INPPL1: variants seen among roughly 807,000 people sequenced by gnomAD.
INPPL1 encodes the protein phosphatidylinositol 3,4,5-trisphosphate 5-phosphatase 2.
A neutral mutation model predicts 139.3 loss-of-function variants in INPPL1; 91 were observed. That is an observed-to-expected ratio of 0.65 (90% CI 0.55 to 0.78). The LOEUF is 0.78. Among genes scored for constraint, INPPL1 ranks in the 30% least tolerant of loss-of-function variants. The probability of loss-of-function intolerance (pLI) is 0.00; values close to 1 mark genes in which losing one functional copy is unlikely to be tolerated. For synonymous variants in INPPL1, 719 were observed against 686.6 expected (o/e 1.05, Z -0.74); for missense variants, 1,411 against 1,665.6 (o/e 0.85, Z 2.66).
In INPPL1 at chr11:72,228,720, C is replaced by T; in HGVS notation, c.398-7C>T. The T allele has an allele frequency of 6.2e-7, 1 of 1,607,974 alleles. No homozygotes were observed. The highest frequency in any genetic ancestry group is 8.5e-7 in the Non-Finnish European group (1 of 1,176,802). On this transcript the variant is annotated splice_polypyrimidine_tract_variant and splice_region_variant and intron_variant, in intron 3 of 27. Transcript: ENST00000298229. The surrounding 1 kb of genome is among the most constrained non-coding windows in gnomAD (Gnocchi z 5.0). ...CCAAACGGCTGCCCACTGACCCCTGCCCACAGATGGGGAGGATGAGAAGCC... is the reference window on the plus strand; with the variant it reads ...CCAAACGGCTGCCCACTGACCCCTGTCCACAGATGGGGAGGATGAGAAGCC...
rs1948827391 is a variant in INPPL1, at chr11:72,231,253, G to T, written c.1497+64G>T. On this transcript the variant is annotated intron_variant, in intron 12 of 27. Transcript: ENST00000298229. Reference sequence around the variant, plus strand: ...ACACCACCTCCAAACTAGCCTACTTGACTTCATGGGCAACCCTGGGAGCAC... The same window carrying T: ...ACACCACCTCCAAACTAGCCTACTTTACTTCATGGGCAACCCTGGGAGCAC... 2.0e-5 allele frequency: 29 copies of T among 1,459,532 alleles called. 1 individual carries two copies. The South Asian group carries it at 3.6e-4, about 18-fold the overall frequency. The allele number at this position is 1,459,532 out of a possible 1,614,324, so 90.4% of individuals were successfully genotyped here.
At position 72,224,962 on chromosome 11, in the gene INPPL1, C is replaced by T. The variant is rs909436449; in HGVS notation, c.-23C>T. 6 of 1,102,914 alleles carry T rather than the reference C, an allele frequency of 5.4e-6. No homozygotes were observed. Among genetic ancestry groups the T allele is most frequent in the Non-Finnish European group, 6.6e-6 (6 of 906,422 alleles). The allele number at this position is 1,102,914 out of a possible 1,614,324, so 68.3% of individuals were successfully genotyped here. A position where few individuals can be genotyped will look rare whatever the true frequency, so the allele number is the denominator to read the frequency against. On this transcript the variant is annotated 5_prime_UTR_variant, in exon 1 of 28. Coordinates refer to ENST00000298229, the MANE Select transcript of INPPL1 (RefSeq NM_001567.4). ...GATGGCGCGGGGCGGCGGGGGCGGG[C>T]GGTGCTGAGCCCTGCGCGGGCCATG...
At chr11:72,230,078 C>T (rs763375013) in intron 8 of INPPL1, 43 bp from the exon 9 acceptor site, 1 of 1,613,600 alleles carries the variant, frequency 6.2e-7, no homozygotes, top group East Asian at 2.2e-5. Context: ...AGGGTGCTGC[C>T]TACTCCAAGG....
At chr11:72,226,177 CTT>C (rs772547413) in intron 1 of INPPL1, among the ~76,000 whole-genome samples, 110 of 129,794 alleles carry the variant, frequency 8.5e-4, no homozygotes, top group African/African-American at 1.6e-3. Context: ...CAGGGGAGAC[CTT>C]TTTTTTTTTT....
rs1488441955 is a variant in INPPL1 at position 72,232,988 on chromosome 11, TG to T, written c.1951+16del. ...TCCTTCGATTCAGTGAGTGTGGGCC[TG>T]GTAGGTGGTGATCTGAGGGCTAGGA... is the stretch of plus-strand genomic sequence containing the variant. On this transcript the variant is annotated intron_variant, in intron 16 of 27. Coordinates refer to ENST00000298229, the MANE Select transcript of INPPL1 (RefSeq NM_001567.4). 6.2e-7 allele frequency: 1 copy of T among 1,613,072 alleles called. No homozygotes were observed. Among genetic ancestry groups the T allele is most frequent in the Non-Finnish European group, 8.5e-7 (1 of 1,179,178 alleles).
At chr11:72,225,975 G>C (rs1948660747) in intron 1 of INPPL1, among the ~76,000 whole-genome samples, 1 of 152,148 alleles carries the variant, frequency 6.6e-6, no homozygotes, top group Non-Finnish European at 1.5e-5. Flanking sequence ...CCTGCAGTCT[G>C]ACATTGAGTT....
At position 72,237,500 on chromosome 11, in the gene INPPL1, C is replaced by T. The variant is rs200480750; in HGVS notation, c.3256C>T (p.Arg1086Cys). The T allele has an allele frequency of 1.7e-5, 28 of 1,609,092 alleles. No individual in the cohort carries two copies. The highest frequency in any genetic ancestry group is 3.3e-4 in the Middle Eastern group (2 of 6,040). The change falls in exon 26 of 28, where the codon CGT becomes TGT. Residue 1086 changes from arginine (R) to cysteine (C), a missense_variant. Transcript: ENST00000298229. ...CCGGGGCCGTGGTGGGGCTGAGGCC[C>T]GTGGCCCACCACCTCCCAAGGCCCA... The part of the protein sequence containing the change: ...VVRGRGGAEA[R>C]GPPPPKAHPR...
At chr11:72,230,941 C>G (rs1333339183) in intron 11 of INPPL1, 43 bp downstream of exon 11, 1 of 1,612,542 alleles carries the variant, frequency 6.2e-7, no homozygotes, top group Admixed American at 1.7e-5. Flanking sequence ...AGGGATGGCC[C>G]CAGAGCAGGT....
chr11:72,226,935 GGTGAGGGGTCTGTCT>G (rs1242086683), intron 1 of INPPL1, among the ~76,000 whole-genome samples: 7 of 152,136 alleles, frequency 4.6e-5, no homozygotes, highest in African/African-American at 1.4e-4. Context: ...CTGTGAATGG[GGTGAGGGGTCTGTCT>G]GTGAGTGGGG....
rs569099732 is a variant in INPPL1, at chr11:72,237,240, C to T, written c.2996C>T (p.Pro999Leu). The change falls in exon 26 of 28, where the codon CCG becomes CTG. Residue 999 changes from proline (P) to leucine (L), a missense_variant. Pro to Leu is a moderately conservative substitution (Grantham distance 98). Around this residue, in one of 5 missense-constraint regions of INPPL1, gnomAD observed 438 missense variants for 425.7 expected, o/e 1.03. Transcript: ENST00000298229. The stretch of plus-strand genomic sequence containing the variant: ...GGGGTCCCGCACCAGCTGCTGCCCC[C>T]GGAGCCACCCTCGCCTGCCAGGGCC... ...LEGVPHQLLP[P>L]EPPSPARAPV... 19 of 1,614,018 alleles carry T rather than the reference C, an allele frequency of 1.2e-5. No homozygotes were observed. The highest frequency in any genetic ancestry group is 9.9e-5 in the South Asian group (9 of 91,080).
At chr11:72,227,068 TAC>T (rs1948695738) in intron 1 of INPPL1, among the ~76,000 whole-genome samples, 1 of 152,122 alleles carries the variant, frequency 6.6e-6, no homozygotes, top group Non-Finnish European at 1.5e-5. Flanking sequence ...ATTTGCCAAA[TAC>T]ACACATACTT....
intron 5 of INPPL1, 76 bp downstream of exon 5, chr11:72,229,306 T>C: frequency 6.7e-7 from 1 of 1,483,434 alleles, no homozygotes; most frequent in Non-Finnish European, 9.2e-7. Context: ...GCTGCACAGG[T>C]GCCCTGATCT....
In INPPL1 at chr11:72,228,435, G is replaced by A. The variant is rs775305188; in HGVS notation, c.334G>A (p.Ala112Thr). ...YAQPNQGLVC[A>T]LLLPVEGERE... ...CCAGCCCAACCAGGGCCTTGTGTGC[G>A]CCCTGCTTCTTCCTGTAGAGGGTGA... The change falls in exon 3 of 28, where the codon GCC becomes ACC. Residue 112 changes from alanine to threonine, a missense_variant. By Grantham distance (58) the Ala-to-Thr change is moderately conservative. This residue lies in a region of INPPL1 where 504 missense variants were observed against 595.6 expected (regional missense o/e 0.85). Transcript: ENST00000298229. This position sits in a 1 kb window ranked among gnomAD's most constrained non-coding sequence, Gnocchi z 5.0. 5.6e-6 allele frequency: 9 copies of A among 1,612,358 alleles called. No homozygotes were observed. Among genetic ancestry groups the A allele is most frequent in the African/African-American group, 2.7e-5 (2 of 74,890 alleles).
At position 72,231,542 on chromosome 11, in the gene INPPL1, C is replaced by G; in HGVS notation, c.1542C>G (p.Val514=). The change falls in exon 13 of 28, where the codon GTC becomes GTG. Residue 514 remains valine (V), a synonymous_variant. Coordinates refer to ENST00000298229, the MANE Select transcript of INPPL1 (RefSeq NM_001567.4). ...SLWNIKVAVL[V]KPEHENRISH... is the part of the protein sequence containing the mutation. ...GGAATATCAAGGTGGCAGTGCTGGT[C>G]AAGCCAGAGCACGAGAACCGTATCA... 1.2e-6 allele frequency: 2 copies of G among 1,613,988 alleles called. No individual in the cohort carries two copies. The highest frequency in any genetic ancestry group is 1.7e-6 in the Non-Finnish European group (2 of 1,180,030).
chr11:72,238,569 G>A lies in INPPL1; in HGVS notation c.*216G>A, dbSNP rs761894281. The A allele has an allele frequency of 2.3e-6, 1 of 428,568 alleles. No homozygotes were observed. Among genetic ancestry groups the A allele is most frequent in the Non-Finnish European group, 4.1e-6 (1 of 244,646 alleles). 26.5% of individuals were successfully genotyped at this position (428,568 alleles called of 1,614,324 possible). On this transcript the variant is annotated 3_prime_UTR_variant, in exon 28 of 28. Coordinates refer to ENST00000298229, the MANE Select transcript of INPPL1 (RefSeq NM_001567.4). ...CCCCTCGCCTTTTAGGCTCAGGACGGAAGGTCAGTTGCCATGGTTACCGAG... is the reference window on the plus strand; with the variant it reads ...CCCCTCGCCTTTTAGGCTCAGGACGAAAGGTCAGTTGCCATGGTTACCGAG...
chr11:72,225,752 TGTTTGAGCCCTGGCTCTGG>T (rs1189882874), intron 1 of INPPL1, among the ~76,000 whole-genome samples: 3 of 151,828 alleles, frequency 2.0e-5, no homozygotes, highest in Non-Finnish European at 2.9e-5. Context: ...AATGAGTGAG[TGTTTGAGCCCTGGCTCTGG>T]GCTTGAGCCC....
In INPPL1 at chr11:72,233,427, A is replaced by G; in HGVS notation, c.2041-14A>G. 1 of 1,613,070 alleles carries G rather than the reference A, an allele frequency of 6.2e-7. No individual in the cohort carries two copies. Among genetic ancestry groups the G allele is most frequent in the Non-Finnish European group, 8.5e-7 (1 of 1,179,168 alleles). On this transcript the variant is annotated splice_polypyrimidine_tract_variant and intron_variant, in intron 17 of 27. Coordinates refer to ENST00000298229, the MANE Select transcript of INPPL1 (RefSeq NM_001567.4). ...AGCTGTCAGCTCTAACCATGCTGCCATCCCCTGCCCCAGGTCCGGACCAAT... is the reference window on the plus strand; with the variant it reads ...AGCTGTCAGCTCTAACCATGCTGCCGTCCCCTGCCCCAGGTCCGGACCAAT...
At chr11:72,238,012 A>G in intron 26 of INPPL1, 30 bp from the exon 27 acceptor site, 5 of 1,516,298 alleles carry the variant, frequency 3.3e-6, no homozygotes, top group Non-Finnish European at 4.4e-6. Context: ...GGGGGCACTC[A>G]GCTCCCCCTG....
In INPPL1 at chr11:72,237,310, T is replaced by C; in HGVS notation, c.3066T>C (p.Pro1022=). Residue 1022 remains proline, a synonymous_variant, in exon 26 of 28, where the codon CCT becomes CCC. Transcript: ENST00000298229. The part of the protein sequence containing the change: ...ATKNKVAITV[P]APQLGHHRHP... ...AGAACAAAGTGGCCATTACAGTGCCTGCTCCACAGCTTGGGCACCACCGGC... is the reference window on the plus strand; with the variant it reads ...AGAACAAAGTGGCCATTACAGTGCCCGCTCCACAGCTTGGGCACCACCGGC... 1 of 1,613,846 alleles carries C rather than the reference T, an allele frequency of 6.2e-7. No individual in the cohort carries two copies. Among genetic ancestry groups the C allele is most frequent in the Non-Finnish European group, 8.5e-7 (1 of 1,179,956 alleles).
Sources: allele counts gnomAD v4.1 joint callset (sites outside exome capture counted in the v4.1 genomes callset), GRCh38; gene constraint gnomAD v4.1.1; regional missense constraint gnomAD v4.1.1; non-coding constraint Gnocchi (gnomAD v3.1); transcripts MANE v1.5; gene names NCBI Gene and HGNC (gene_info 2026-07-23, HGNC 2026-07-21).